Variants in DOK2 observed in about 807,000 individuals in gnomAD.
The protein encoded by DOK2 is docking protein 2, 56kD.
DOK2 carries 28 observed loss-of-function variants against 26.0 expected under a neutral mutation model. The observed-to-expected ratio is 1.08, with a 90% CI of 0.80 to 1.48. The LOEUF is 1.48. DOK2 is among the 40% of genes most tolerant of loss of function. The probability of loss-of-function intolerance (pLI) is 0.00; values close to 1 mark genes in which losing one functional copy is unlikely to be tolerated. For synonymous variants in DOK2, 282 were observed against 236.9 expected (o/e 1.19, Z -1.75); for missense variants, 682 against 558.2 (o/e 1.22, Z -2.23).
Position 21,912,265 on chromosome 8 carries a change from G to A in DOK2, c.309C>T (p.Gly103=), listed in dbSNP as rs374735206. Residue 103 remains glycine, a synonymous_variant, in exon 2 of 5, where the codon GGC becomes GGT. Coordinates refer to ENST00000276420, the MANE Select transcript of DOK2 (RefSeq NM_003974.4). The stretch of plus-strand genomic sequence containing the variant: ...GGAGGCAGATGGCCTGCACCCAGTC[G>A]CCGCGCTCCGCTGCAGGGGCCGCCA... ...YLLAAPAAER[G]DWVQAICLLA... 7.0e-6 allele frequency: 11 copies of A among 1,576,142 alleles called. No individual in the cohort carries two copies. The highest frequency in any genetic ancestry group is 2.4e-5 in the East Asian group (1 of 42,304).
chr8:21,912,423 G>T lies in DOK2; in HGVS notation c.151C>A (p.Arg51Ser). The change falls in exon 2 of 5, where the codon CGT (arginine) becomes AGT (serine). Residue 51 changes from arginine to serine, a missense_variant. Arg to Ser is a moderately radical substitution (Grantham distance 110, BLOSUM62 -1). Coordinates refer to ENST00000276420, the MANE Select transcript of DOK2 (RefSeq NM_003974.4). ...ACCTTCCGGGCAGCCTCACACCGAC[G>T]AGGCTTCTCCGGGCCCTCCTGCAGC... ...LELQEGPEKP[R>S]RCEAARKVIR... The T allele has an allele frequency of 6.3e-7, 1 of 1,582,000 alleles. No homozygotes were observed. The highest frequency in any genetic ancestry group is 8.6e-7 in the Non-Finnish European group (1 of 1,165,984).
chr8:21,912,195 C>A, intron 2 of DOK2, 34 bp downstream of exon 2: 2 of 1,519,030 alleles, frequency 1.3e-6, no homozygotes, highest in Non-Finnish European at 1.8e-6. Context: ...GGCCTGCACG[C>A]CCCCTTGCCC....
At position 21,912,286 on chromosome 8, in the gene DOK2, C is replaced by T. The variant is rs1273425407; in HGVS notation, c.288G>A (p.Ala96=). 2 of 1,591,902 alleles carry T rather than the reference C, an allele frequency of 1.3e-6. No individual in the cohort carries two copies. The highest frequency in any genetic ancestry group is 2.3e-5 in the East Asian group (1 of 43,310). ...LETKERLYLL[A]APAAERGDWV... is the part of the protein sequence containing the mutation. ...AGTCGCCGCGCTCCGCTGCAGGGGC[C>T]GCCAGGAGGTACAGGCGCTCCTTGG... The change falls in exon 2 of 5, where the codon GCG becomes GCA. Residue 96 remains alanine, a synonymous_variant. Coordinates refer to ENST00000276420, the MANE Select transcript of DOK2 (RefSeq NM_003974.4).
chr8:21,909,503 C>T lies in DOK2; in HGVS notation c.1047G>A (p.Glu349=). The part of the protein sequence containing the change: ...PRPDHIYDEP[E]GVAALSLYDS... ...CATAGAGGGACAGGGCAGCCACTCC[C>T]TCGGGCTCATCGTATATGTGGTCAG... The change falls in exon 5 of 5, where the codon GAG becomes GAA. Residue 349 remains glutamate, a synonymous_variant. Coordinates refer to ENST00000276420, the MANE Select transcript of DOK2 (RefSeq NM_003974.4). The T allele has an allele frequency of 6.2e-7, 1 of 1,614,174 alleles. No individual in the cohort carries two copies. Among genetic ancestry groups the T allele is most frequent in the Non-Finnish European group, 8.5e-7 (1 of 1,180,040 alleles).
chr8:21,909,694 G>A lies in DOK2; in HGVS notation c.856C>T (p.Pro286Ser), dbSNP rs1585396032. The change falls in exon 5 of 5, where the codon CCG (proline) becomes TCG (serine). Residue 286 changes from proline to serine, a missense_variant. Transcript: ENST00000276420. ...CCCCGAGGCCGTGGAGCAGGCACCG[G>A]TGTGGTGGGTGAAGGCGGCGGCAGT... ...DSLPPPSPTT[P>S]VPAPRPRGQE... The A allele has an allele frequency of 6.2e-7, 1 of 1,613,306 alleles. No homozygotes were observed. Among genetic ancestry groups the A allele is most frequent in the South Asian group, 1.1e-5 (1 of 91,078 alleles).
Position 21,912,243 on chromosome 8 carries a change from G to A in DOK2, c.331C>T (p.Leu111Phe), listed in dbSNP as rs1809879257. The A allele has an allele frequency of 1.3e-6, 2 of 1,566,810 alleles. No individual in the cohort carries two copies. The highest frequency in any genetic ancestry group is 1.7e-6 in the Non-Finnish European group (2 of 1,159,316). ...GCGCGACTCACGGGGAAGGCCAGGAGGCAGATGGCCTGCACCCAGTCGCCG... is the reference window on the plus strand; with the variant it reads ...GCGCGACTCACGGGGAAGGCCAGGAAGCAGATGGCCTGCACCCAGTCGCCG... ...ERGDWVQAIC[L>F]LAFPGQRKEL... is the part of the protein sequence containing the mutation. Residue 111 changes from leucine to phenylalanine, a missense_variant, in exon 2 of 5, where the codon CTC becomes TTC. Physicochemically the swap from Leu to Phe is conservative, Grantham distance 22 (BLOSUM62 0). Coordinates refer to ENST00000276420, the MANE Select transcript of DOK2 (RefSeq NM_003974.4).
rs1809865829 is a variant in DOK2, at chr8:21,911,947, G to C, written c.387C>G (p.Ser129Arg). ...KELSGPEGKQSRPCMEENELY... is the reference protein window; with the variant it reads ...KELSGPEGKQRRPCMEENELY... ...ATTCATTTTCCTCCATGCAGGGCCG[G>C]CTCTGCTTTCCCTCTGGCCCCGAGA... The change falls in exon 3 of 5, where the codon AGC becomes AGG. Residue 129 changes from serine (S) to arginine (R), a missense_variant. Transcript: ENST00000276420. The C allele has an allele frequency of 6.4e-7, 1 of 1,561,988 alleles. No homozygotes were observed. The highest frequency in any genetic ancestry group is 2.4e-5 in the East Asian group (1 of 42,414).
intron 3 of DOK2, among the ~76,000 whole-genome samples, chr8:21,911,241 G>A (rs888946482): frequency 2.0e-5 from 3 of 152,156 alleles, no homozygotes; most frequent in Non-Finnish European, 4.4e-5. Context: ...CCCTCCCACT[G>A]CCGGGGCCCT....
chr8:21,911,803 G>C, intron 3 of DOK2, 98 bp downstream of exon 3: 1 of 1,316,968 alleles, frequency 7.6e-7, no homozygotes, highest in Non-Finnish European at 1.0e-6. Flanking sequence ...CACAAGGCAG[G>C]AAGACTCGGG....
rs780023106 is a variant in DOK2, at chr8:21,912,272, T to A, written c.302A>T (p.Glu101Val). 15 of 1,583,402 alleles carry A rather than the reference T, an allele frequency of 9.5e-6. No individual in the cohort carries two copies. The highest frequency in any genetic ancestry group is 1.4e-5 in the African/African-American group (1 of 74,022). ...RLYLLAAPAAERGDWVQAICL... is the reference protein window; with the variant it reads ...RLYLLAAPAAVRGDWVQAICL... ...GATGGCCTGCACCCAGTCGCCGCGC[T>A]CCGCTGCAGGGGCCGCCAGGAGGTA... Residue 101 changes from glutamate to valine, a missense_variant, in exon 2 of 5, where the codon GAG becomes GTG. Physicochemically the swap from Glu to Val is moderately radical, Grantham distance 121 (BLOSUM62 -2). Coordinates refer to ENST00000276420, the MANE Select transcript of DOK2 (RefSeq NM_003974.4).
chr8:21,910,702 T>C lies in DOK2; in HGVS notation c.589A>G (p.Arg197Gly), dbSNP rs199722634. Reference protein sequence around the residue: ...PGTQLYDWPYRFLRRFGRDKV... With the variant: ...PGTQLYDWPYGFLRRFGRDKV... ...TCCCGCCCAAAGCGCCGCAGAAACC[T>C]GTAGGGCCAGTCGTACAGCTGGGTC... Residue 197 changes from arginine (R) to glycine (G), a missense_variant, in exon 4 of 5, where the codon AGG becomes GGG. By Grantham distance (125) the Arg-to-Gly change is moderately radical. Coordinates refer to ENST00000276420, the MANE Select transcript of DOK2 (RefSeq NM_003974.4). The C allele has an allele frequency of 5.6e-6, 9 of 1,613,950 alleles. No homozygotes were observed. Among genetic ancestry groups the C allele is most frequent in the Non-Finnish European group, 7.6e-6 (9 of 1,180,034 alleles).
At chr8:21,911,092 C>T (rs1375869361) in intron 3 of DOK2, 1 of 546,948 alleles carries the variant, frequency 1.8e-6, no homozygotes, top group African/African-American at 1.9e-5. Context: ...CTACCCACAT[C>T]CACCCCAACC....
chr8:21,912,034 C>G (rs1432320412), intron 2 of DOK2, 46 bp from the exon 3 acceptor site: 1 of 1,517,668 alleles, frequency 6.6e-7, no homozygotes, highest in Non-Finnish European at 8.8e-7. Context: ...GATCCCCAGG[C>G]CCCCCTCTGG....
intron 1 of DOK2, among the ~76,000 whole-genome samples, chr8:21,913,188 T>C (rs1386560830): frequency 1.3e-5 from 2 of 152,160 alleles, no homozygotes; most frequent in Admixed American, 1.3e-4. Context: ...ATTGTCATCC[T>C]AAACTGTCCC....
In DOK2 at chr8:21,912,341, G is replaced by A. The variant is rs1252745993; in HGVS notation, c.233C>T (p.Pro78Leu). ...CAGGAAGAAGGCACTGGTGTCCCGGGGGCTGCTGGCCTCTCCGCCGGCCTC... is the reference window on the plus strand; with the variant it reads ...CAGGAAGAAGGCACTGGTGTCCCGGAGGCTGCTGGCCTCTCCGCCGGCCTC... ...VAEAGGEASS[P>L]RDTSAFFLET... Residue 78 changes from proline to leucine, a missense_variant, in exon 2 of 5, where the codon CCC becomes CTC. Transcript: ENST00000276420. 1.9e-6 allele frequency: 3 copies of A among 1,607,652 alleles called. No homozygotes were observed. The highest frequency in any genetic ancestry group is 1.7e-6 in the Non-Finnish European group (2 of 1,178,552).
chr8:21,911,542 C>A (rs558568809), intron 3 of DOK2, among the ~76,000 whole-genome samples: 1 of 152,102 alleles, frequency 6.6e-6, no homozygotes, highest in Non-Finnish European at 1.5e-5. Context: ...CGGGAAGCGG[C>A]GGTTGCAGTG....
Position 21,911,848 on chromosome 8 carries a change from C to G in DOK2, c.433+53G>C, listed in dbSNP as rs906414241. On this transcript the variant is annotated intron_variant, in intron 3 of 4. Transcript: ENST00000276420. Reference sequence around the variant, plus strand: ...TAGCCAGCCCACACCTCCTCTCCACCTCACCCTGGGGAGAGCCCCCAGGGG... The same window carrying G: ...TAGCCAGCCCACACCTCCTCTCCACGTCACCCTGGGGAGAGCCCCCAGGGG... The G allele has an allele frequency of 2.6e-6, 4 of 1,519,302 alleles. No individual in the cohort carries two copies. In the Admixed American group the frequency reaches 8.6e-5, roughly 33 times the overall value. The allele number at this position is 1,519,302 out of a possible 1,614,324, so 94.1% of individuals were successfully genotyped here. A position where few individuals can be genotyped will look rare whatever the true frequency, so the allele number is the denominator to read the frequency against.
chr8:21,909,305 CCT>C lies in DOK2; in HGVS notation c.*4_*5del. ...GGGGCGGTGGACCATCCCTCTGCTG[CCT>C]CTGTCACTTTGGGCCTTTCTTTAGT... On this transcript the variant is annotated 3_prime_UTR_variant, in exon 5 of 5. Coordinates refer to ENST00000276420, the MANE Select transcript of DOK2 (RefSeq NM_003974.4). 2.0e-6 allele frequency: 3 copies of C among 1,524,082 alleles called. No individual in the cohort carries two copies. In the Admixed American group the frequency reaches 6.4e-5, roughly 33 times the overall value. 94.4% of individuals were successfully genotyped at this position (1,524,082 alleles called of 1,614,324 possible).
rs369438236 is a variant in DOK2, at chr8:21,909,711, G to A, written c.839C>T (p.Pro280Leu). The stretch of plus-strand genomic sequence containing the variant: ...AGGCACCGGTGTGGTGGGTGAAGGC[G>A]GCGGCAGTGAGTCATGCGGCCGAGA... ...PYSRPHDSLP[P>L]PSPTTPVPAP... The change falls in exon 5 of 5, where the codon CCG (proline) becomes CTG (leucine). Residue 280 changes from proline to leucine, a missense_variant. Transcript: ENST00000276420. 4.2e-5 allele frequency: 67 copies of A among 1,613,238 alleles called. No homozygotes were observed. The highest frequency in any genetic ancestry group is 5.2e-5 in the Non-Finnish European group (61 of 1,180,020).
Sources: gnomAD v4.1 joint callset for allele counts (sites outside exome capture counted in the v4.1 genomes callset) on GRCh38, gnomAD v4.1.1 for gene constraint, MANE v1.5 for transcripts, NCBI Gene and HGNC (gene_info 2026-07-23, HGNC 2026-07-21) for gene names.